The following DIS3L2 variants were observed in gnomAD, a reference collection of about 807,000 sequenced individuals.
DIS3L2 encodes DIS3 like 3'-5' exoribonuclease 2.
A neutral mutation model predicts 97.5 loss-of-function variants in DIS3L2; 34 were observed. The ratio of observed to expected loss-of-function variants is 0.35; its 90% confidence interval spans 0.27 to 0.46. The LOEUF (loss-of-function observed/expected upper bound fraction) is 0.46. DIS3L2 is among the 20% of genes least tolerant of loss of function. The pLI, the probability that DIS3L2 is intolerant of heterozygous loss-of-function variation, is 1.00. For missense variants in DIS3L2, 1,038 were observed against 1,146.0 expected (o/e 0.91, Z 1.36); for synonymous variants, 435 against 445.2 (o/e 0.98, Z 0.29).
chr2:232,120,344 G>C (rs542914901), intron 6 of DIS3L2, among the ~76,000 whole-genome samples: 13 of 152,162 alleles, frequency 8.5e-5, no homozygotes, highest in Non-Finnish European at 1.5e-4. Flanking sequence ...TCCTGCCCCA[G>C]CCACTTCCGA....
At chr2:231,989,257 G>A (rs181774981) in intron 1 of DIS3L2, among the ~76,000 whole-genome samples, 1 of 152,002 alleles carries the variant, frequency 6.6e-6, no homozygotes, top group Admixed American at 6.6e-5. Flanking sequence ...GATAGTAGTT[G>A]TTGCTGAATT....
intron 5 of DIS3L2, among the ~76,000 whole-genome samples, chr2:232,067,179 G>A (rs747913604): frequency 1.1e-4 from 17 of 151,450 alleles, no homozygotes; most frequent in Middle Eastern, 3.4e-3. Context: ...ACTTATTTTG[G>A]GTTAAATTAG....
chr2:232,143,065 T>C (rs1489262232), intron 8 of DIS3L2, among the ~76,000 whole-genome samples: 1 of 152,198 alleles, frequency 6.6e-6, no homozygotes, highest in East Asian at 1.9e-4. Context: ...GAATATTTAG[T>C]AGAGGAAAGA....
downstream of DIS3L2, among the ~76,000 whole-genome samples, chr2:232,340,455 C>T (rs1025943858): frequency 6.6e-6 from 1 of 152,178 alleles, no homozygotes; most frequent in African/African-American, 2.4e-5. Context: ...GAGGCCAGCA[C>T]CTGTCCCGAC....
chr2:232,188,948 A>G (rs1050787426), intron 9 of DIS3L2, among the ~76,000 whole-genome samples: 15 of 152,360 alleles, frequency 9.8e-5, no homozygotes, highest in Admixed American at 5.2e-4. Context: ...ACAAATGGAA[A>G]ACAAGCAAAT....
intron 14 of DIS3L2, among the ~76,000 whole-genome samples, chr2:232,323,462 A>G (rs1166802109): frequency 6.6e-6 from 1 of 152,164 alleles, no homozygotes; most frequent in Non-Finnish European, 1.5e-5. Flanking sequence ...TGGAGCTAGA[A>G]AAACAGGTGC....
chr2:232,335,807 T>A lies in DIS3L2; in HGVS notation c.2429T>A (p.Val810Glu), dbSNP rs1185262867. 6.4e-7 allele frequency: 1 copy of A among 1,550,562 alleles called. No individual in the cohort carries two copies. The highest frequency in any genetic ancestry group is 8.7e-7 in the Non-Finnish European group (1 of 1,147,020). ...LALRSHHFQK[V>E]GKKPELTLVW... ...CTGCGGTCCCACCACTTCCAGAAGG[T>A]GGGCAAGAAGCCGGAACTCACGCTG... Residue 810 changes from valine to glutamate, a missense_variant, in exon 20 of 21, where the codon GTG becomes GAG. Physicochemically the swap from Val to Glu is moderately radical, Grantham distance 121. This residue lies in a region of DIS3L2 where 221 missense variants were observed against 246.9 expected (regional missense o/e 0.90). Transcript: ENST00000325385.
intron 10 of DIS3L2, among the ~76,000 whole-genome samples, chr2:232,237,880 T>A (rs1227254577): frequency 1.3e-5 from 2 of 152,126 alleles, no homozygotes; most frequent in African/African-American, 4.8e-5. Flanking sequence ...TCTAAATGGC[T>A]TGAGGGAAGA....
At chr2:232,200,945 G>A (rs1030570760) in intron 9 of DIS3L2, among the ~76,000 whole-genome samples, 2 of 151,940 alleles carry the variant, frequency 1.3e-5, no homozygotes, top group Non-Finnish European at 2.9e-5. Flanking sequence ...CACCACGCCT[G>A]GCTATTTTTA....
At chr2:232,341,375 T>G (rs573265800), downstream of DIS3L2, among the ~76,000 whole-genome samples, 2 of 152,292 alleles carry the variant, frequency 1.3e-5, no homozygotes, top group South Asian at 4.1e-4. Context: ...TGGAGGACAT[T>G]GAAGTACTTC....
intron 20 of DIS3L2, chr2:232,336,141 G>A (rs1488646875): frequency 2.0e-6 from 3 of 1,536,188 alleles, no homozygotes; most frequent in Non-Finnish European, 2.6e-6. Context: ...GGCCTTCTAG[G>A]GTCCTTTAGA....
chr2:232,079,227 C>G (rs1168572998), intron 5 of DIS3L2, among the ~76,000 whole-genome samples: 6 of 152,068 alleles, frequency 3.9e-5, no homozygotes, highest in Non-Finnish European at 2.9e-5. Flanking sequence ...TTCATGAAAC[C>G]TATATTCTAG....
intron 5 of DIS3L2, among the ~76,000 whole-genome samples, chr2:232,033,967 A>G (rs1574826960): frequency 6.6e-6 from 1 of 152,198 alleles, no homozygotes; most frequent in South Asian, 2.1e-4. Flanking sequence ...TGGTATCAGG[A>G]TGATGCTGGC....
chr2:232,043,960 A>C (rs935800138), intron 5 of DIS3L2, among the ~76,000 whole-genome samples: 22 of 152,182 alleles, frequency 1.4e-4, no homozygotes, highest in Non-Finnish European at 7.3e-5. Flanking sequence ...CTGTCTTATG[A>C]ATTTAGGCAG....
At chr2:232,182,217 A>G (rs1353980211) in intron 9 of DIS3L2, among the ~76,000 whole-genome samples, 2 of 152,122 alleles carry the variant, frequency 1.3e-5, no homozygotes, top group Non-Finnish European at 2.9e-5. Context: ...TAGGTTGTTT[A>G]ATTTCTACAT....
intron 4 of DIS3L2, among the ~76,000 whole-genome samples, chr2:232,026,854 G>A (rs1694672869): frequency 1.3e-5 from 2 of 152,106 alleles, no homozygotes; most frequent in South Asian, 4.1e-4. Flanking sequence ...TTCTTACTAC[G>A]TCATACTTAG....
chr2:232,067,996 A>G (rs1695898938), intron 5 of DIS3L2, among the ~76,000 whole-genome samples: 1 of 152,080 alleles, frequency 6.6e-6, no homozygotes, highest in Non-Finnish European at 1.5e-5. Flanking sequence ...GGGAGAGGCA[A>G]TGAGATGGGG....
rs77527601 is a variant in DIS3L2, at chr2:232,294,278, T to TC, written c.1660-5756dup. Among the ~76,000 whole-genome samples the TC allele has an allele frequency of 4.9e-4, 74 of 151,966 alleles. No individual in the cohort carries two copies. The East Asian group carries it at 0.013, about 27-fold the overall frequency. On this transcript the variant is annotated intron_variant, in intron 13 of 20. Coordinates refer to ENST00000325385, the MANE Select transcript of DIS3L2 (RefSeq NM_152383.5). ...CCTGGAGCTAGAGGTTGGGTCTGCT[T>TC]CCCCCCGGACCCCCTAGAATGGGGA...
At chr2:232,051,133 A>G (rs1695387615) in intron 5 of DIS3L2, among the ~76,000 whole-genome samples, 2 of 152,322 alleles carry the variant, frequency 1.3e-5, no homozygotes, top group Non-Finnish European at 1.5e-5. Context: ...TGTTAAGGTA[A>G]CAACAGGAAC....
Sources: allele counts gnomAD v4.1 joint callset (sites outside exome capture counted in the v4.1 genomes callset), GRCh38; gene constraint gnomAD v4.1.1; regional missense constraint gnomAD v4.1.1; transcripts MANE v1.5; gene names NCBI Gene and HGNC (gene_info 2026-07-23, HGNC 2026-07-21).